The following KCP variants were observed in gnomAD, a reference collection of about 807,000 sequenced individuals.
KCP encodes the protein kielin cysteine rich BMP regulator, also known as kielin/chordin-like protein.
KCP carries 194 observed loss-of-function variants against 212.7 expected under a neutral mutation model. The ratio of observed to expected loss-of-function variants is 0.91; its 90% CI spans 0.81 to 1.03. The LOEUF (loss-of-function observed/expected upper bound fraction) is 1.03, where lower values mean the gene tolerates loss of function less well. Among genes scored for constraint, KCP ranks in the 50% least tolerant of loss-of-function variants. KCP has a pLI of 0.00. For missense variants in KCP, 2,080 were observed against 2,162.5 expected (o/e 0.96, Z 0.76); for synonymous variants, 833 against 865.3 (o/e 0.96, Z 0.65).
In KCP at chr7:128,893,013, G is replaced by A. The variant is rs1334537324; in HGVS notation, c.1276C>T (p.Leu426=). Residue 426 remains leucine (L), a synonymous_variant, in exon 14 of 40, where the codon CTG becomes TTG. Coordinates refer to ENST00000610776, the MANE Select transcript of KCP (RefSeq NM_001366122.1). ...CCCTCAGCAAACTCCTCTCCATCCA[G>A]CTCACAGGCTGTAGTAAGGGGGCTG... is the stretch of plus-strand genomic sequence containing the variant. The part of the protein sequence containing the change: ...SGRQLCPACE[L]DGEEFAEGVQ... 10 of 934,810 alleles carry A rather than the reference G, an allele frequency of 1.1e-5. No homozygotes were observed. Among genetic ancestry groups the A allele is most frequent in the Non-Finnish European group, 1.7e-5 (10 of 583,550 alleles). 57.9% of individuals were successfully genotyped at this position (934,810 alleles called of 1,614,324 possible). A position where few individuals can be genotyped will look rare whatever the true frequency, so the allele number is the denominator to read the frequency against.
chr7:128,884,348 T>G (rs1366268364), intron 28 of KCP, among the ~76,000 whole-genome samples: 1 of 152,220 alleles, frequency 6.6e-6, no homozygotes, highest in East Asian at 1.9e-4. Context: ...CACTTGGGCC[T>G]GAGCCCTCAT....
chr7:128,906,451 C>T (rs1795123888), intron 4 of KCP, 88 bp from the exon 5 acceptor site: 1 of 939,572 alleles, frequency 1.1e-6, no homozygotes, highest in Non-Finnish European at 1.7e-6. Context: ...CAGGCTGGGA[C>T]ATGTCATAGG....
chr7:128,884,762 C>T lies in KCP; in HGVS notation c.3123+19G>A. 6.4e-7 allele frequency: 1 copy of T among 1,550,432 alleles called. No homozygotes were observed. The highest frequency in any genetic ancestry group is 1.2e-5 in the South Asian group (1 of 84,050). ...CCCCCGACGAGGTGCCCCAGCCCCA[C>T]CACTGTGCCCTCACCTACCTCGCAG... On this transcript the variant is annotated intron_variant, in intron 28 of 39. Transcript: ENST00000610776.
chr7:128,906,562 AC>A (rs1343897776), intron 4 of KCP, among the ~76,000 whole-genome samples, 199 bp from the exon 5 acceptor site: 1 of 151,954 alleles, frequency 6.6e-6, no homozygotes, highest in Non-Finnish European at 1.5e-5. Flanking sequence ...GATGCTCTTA[AC>A]CCTAGGAAAC....
chr7:128,894,394 G>A, intron 8 of KCP, 101 bp from the exon 9 acceptor site: 1 of 944,178 alleles, frequency 1.1e-6, no homozygotes, highest in Non-Finnish European at 1.5e-6. Flanking sequence ...TGTGTTTATG[G>A]GTTGAATTGT....
At chr7:128,890,841 C>T (rs1045768143) in intron 20 of KCP, 64 bp downstream of exon 20, 1 of 1,171,584 alleles carries the variant, frequency 8.5e-7, no homozygotes, top group African/African-American at 1.6e-5. Flanking sequence ...CTGGGCAGGG[C>T]GCTCCGGGGC....
At chr7:128,877,379 T>G in intron 39 of KCP, 68 bp from the exon 40 acceptor site, 6 of 1,527,120 alleles carry the variant, frequency 3.9e-6, no homozygotes, top group Non-Finnish European at 5.3e-6. Flanking sequence ...TGCGTACCCC[T>G]GCGAGACTCG....
chr7:128,905,779 A>C (rs1795092971), intron 5 of KCP, among the ~76,000 whole-genome samples: 1 of 151,138 alleles, frequency 6.6e-6, no homozygotes, highest in South Asian at 2.1e-4. Flanking sequence ...ACCTCTCTCC[A>C]CCCTGTCCTT....
rs1046906789 is a variant in KCP at position 128,885,187 on chromosome 7, C to A, written c.2950G>T (p.Glu984Ter). 1.9e-6 allele frequency: 3 copies of A among 1,550,832 alleles called. No individual in the cohort carries two copies. The Admixed American group carries it at 5.9e-5, about 30-fold the overall frequency. ...ATGCGTGCACAGGTGACGACGCCCT[C>A]GTGACACACACAGGAGGAGCAGGCA... ...DSACSSCVCH[E>*]GVVTCARIQC... Residue 984 changes from glutamate to a stop codon, truncating the protein, a stop_gained, in exon 27 of 40, where the codon GAG (glutamate) becomes TAG (stop). Coordinates refer to ENST00000610776, the MANE Select transcript of KCP (RefSeq NM_001366122.1). LOFTEE classifies it high-confidence loss of function.
At chr7:128,910,510 C>T (rs568229475) in intron 1 of KCP, 91 bp downstream of exon 1, 835 of 1,202,524 alleles carry the variant, frequency 6.9e-4, no homozygotes, top group Non-Finnish European at 8.6e-4. Context: ...AAGAGCAGAG[C>T]CCCCAGCCCC....
chr7:128,877,503 C>T lies in KCP; in HGVS notation c.4599G>A (p.Trp1533Ter), dbSNP rs992357912. Residue 1533 changes from tryptophan (W) to a stop codon, truncating the protein, a stop_gained, in exon 39 of 40, where the codon TGG becomes TGA. Coordinates refer to ENST00000610776, the MANE Select transcript of KCP (RefSeq NM_001366122.1). LOFTEE classifies it high-confidence loss of function. ...HCRQAGVTPTWRGPTLCVVGC... is the reference protein window; with the variant it reads ...HCRQAGVTPT ...CCTCACCACACAGCGTGGGGCCTCG[C>T]CAGGTAGGTGTCACTCCTGCCTGGC... 4.5e-6 allele frequency: 7 copies of T among 1,551,146 alleles called. No individual in the cohort carries two copies. The Admixed American group carries it at 7.8e-5, about 17-fold the overall frequency.
chr7:128,878,996 C>T, intron 37 of KCP: 1 of 472,658 alleles, frequency 2.1e-6, no homozygotes, highest in Non-Finnish European at 3.8e-6. Flanking sequence ...TGCACTGGGC[C>T]CCAGGTGAAA....
rs1047450656 is a variant in KCP, at chr7:128,895,737, C to T, written c.832-1444G>A. Reference sequence around the variant, plus strand: ...GATGGCAATGAGAGTGACCTCTGGTCGTCCTCACTGCTACACTCCCATCAG... The same window carrying T: ...GATGGCAATGAGAGTGACCTCTGGTTGTCCTCACTGCTACACTCCCATCAG... On this transcript the variant is annotated intron_variant, in intron 8 of 39. Coordinates refer to ENST00000610776, the MANE Select transcript of KCP (RefSeq NM_001366122.1). Among the ~76,000 whole-genome samples the T allele has an allele frequency of 3.3e-5, 5 of 152,194 alleles. No individual in the cohort carries two copies. The South Asian group carries it at 6.2e-4, about 19-fold the overall frequency.
rs1022888778 is a variant in KCP at position 128,877,004 on chromosome 7, C to T, written c.*39G>A. 6.6e-5 allele frequency: 101 copies of T among 1,534,226 alleles called. No individual in the cohort carries two copies. Among genetic ancestry groups the T allele is most frequent in the Non-Finnish European group, 8.2e-5 (94 of 1,142,602 alleles). On this transcript the variant is annotated 3_prime_UTR_variant, in exon 40 of 40. Coordinates refer to ENST00000610776, the MANE Select transcript of KCP (RefSeq NM_001366122.1). ...GTGGGAACTGCTCGCCAAGGGGAGA[C>T]TCCTGGCCTGATGAACCCTTATCAG...
At position 128,891,225 on chromosome 7, in the gene KCP, C is replaced by T; in HGVS notation, c.1932G>A (p.Glu644=). Residue 644 remains glutamate, a synonymous_variant, in exon 19 of 40, where the codon GAG becomes GAA. Coordinates refer to ENST00000610776, the MANE Select transcript of KCP (RefSeq NM_001366122.1). The part of the protein sequence containing the change: ...ARRCVPLPCP[E]PVLLPGECCP... ...AGCACTCTCCCGGCAGCAGGACAGG[C>T]TCTGGACAGGGCAGCGGCACGCAGC... 7 of 1,546,238 alleles carry T rather than the reference C, an allele frequency of 4.5e-6. No individual in the cohort carries two copies. The highest frequency in any genetic ancestry group is 6.1e-6 in the Non-Finnish European group (7 of 1,146,674).
At chr7:128,888,170 A>C (rs544122669) in intron 22 of KCP, among the ~76,000 whole-genome samples, 1 of 151,116 alleles carries the variant, frequency 6.6e-6, no homozygotes, top group Non-Finnish European at 1.5e-5. Flanking sequence ...AGCCACACAA[A>C]CACACATATA....
rs138601531 is a variant in KCP, at chr7:128,877,289, A to G, written c.4641T>C (p.Arg1547=). 691 of 1,512,744 alleles carry G rather than the reference A, an allele frequency of 4.6e-4. 4 individuals carry two copies. The African/African-American group carries it at 8.7e-3, about 19-fold the overall frequency. 93.7% of individuals were successfully genotyped at this position (1,512,744 alleles called of 1,614,324 possible). A position where few individuals can be genotyped will look rare whatever the true frequency, so the allele number is the denominator to read the frequency against. ...GGCCGCACTCATCAAACACGAAGCCACGCTCCAGGGGGCAGCCTACCACTG... is the reference window on the plus strand; with the variant it reads ...GGCCGCACTCATCAAACACGAAGCCGCGCTCCAGGGGGCAGCCTACCACTG... ...TLCVVGCPLE[R]GFVFDECGPP... is the part of the protein sequence containing the mutation. The change falls in exon 40 of 40, where the codon CGT becomes CGC. Residue 1547 remains arginine, a synonymous_variant. Transcript: ENST00000610776.
chr7:128,888,535 TACAC>T (rs1239712378), intron 22 of KCP, among the ~76,000 whole-genome samples: 1 of 90,332 alleles, frequency 1.1e-5, no homozygotes, highest in Non-Finnish European at 2.4e-5. Flanking sequence ...GATACACACA[TACAC>T]ACATACAGCA....
rs1291678714 is a variant in KCP, at chr7:128,910,624, A to C, written c.53T>G (p.Leu18Arg). Residue 18 changes from leucine (L) to arginine (R), a missense_variant, in exon 1 of 40, where the codon CTG becomes CGG. By Grantham distance (102) the Leu-to-Arg change is moderately radical. Coordinates refer to ENST00000610776, the MANE Select transcript of KCP (RefSeq NM_001366122.1). The part of the protein sequence containing the change: ...ALSLLLHLGA[L>R]ALAAGAEGGA... ...ACCTTCCGCGCCCGCGGCCAGCGCCAGGGCCCCGAGGTGCAGGAGAAGGGA... is the reference window on the plus strand; with the variant it reads ...ACCTTCCGCGCCCGCGGCCAGCGCCCGGGCCCCGAGGTGCAGGAGAAGGGA... The C allele has an allele frequency of 2.0e-6, 3 of 1,516,792 alleles. No individual in the cohort carries two copies. The highest frequency in any genetic ancestry group is 2.8e-5 in the African/African-American group (2 of 70,244). 94.0% of individuals were successfully genotyped at this position (1,516,792 alleles called of 1,614,324 possible).
Sources: allele counts gnomAD v4.1 joint callset (sites outside exome capture counted in the v4.1 genomes callset), GRCh38; gene constraint gnomAD v4.1.1; transcripts MANE v1.5; gene names NCBI Gene and HGNC (gene_info 2026-07-23, HGNC 2026-07-21).